The following GPATCH8 variants were observed in gnomAD, a reference collection of about 807,000 sequenced individuals.
GPATCH8 encodes G patch domain-containing protein 8.
GPATCH8 carries 18 observed loss-of-function variants against 118.3 expected under a neutral mutation model. That is an observed-to-expected ratio of 0.15 (90% CI 0.11 to 0.23). GPATCH8 has a LOEUF of 0.23. Ranked by LOEUF, GPATCH8 falls within the 10% of genes least tolerant of loss-of-function variation. The pLI is 1.00. For synonymous variants in GPATCH8, 659 were observed against 684.7 expected, an observed-to-expected ratio of 0.96 and a Z score of 0.59; for missense variants, 1,631 against 1,873.8, an observed-to-expected ratio of 0.87 and a Z score of 2.39.
chr17:44,486,135 A>G (rs1274624141), intron 1 of GPATCH8: 1 of 152,216 alleles, frequency 6.6e-6, no homozygotes, highest in East Asian at 1.9e-4. Context: ...CTATGTAAAT[A>G]AAATGAAAAG....
chr17:44,449,677 C>T (rs888074859), intron 3 of GPATCH8, among the ~76,000 whole-genome samples: 4 of 151,774 alleles, frequency 2.6e-5, no homozygotes, highest in Non-Finnish European at 4.4e-5. Flanking sequence ...CCACAACGCC[C>T]GGCTAATTTT....
chr17:44,484,170 A>C (rs754805773), intron 1 of GPATCH8, among the ~76,000 whole-genome samples: 6 of 151,470 alleles, frequency 4.0e-5, no homozygotes, highest in Admixed American at 4.0e-4. Flanking sequence ...TTTTAGCAGA[A>C]ACAGGGTTTC....
chr17:44,442,108 C>CAT (rs36110298), intron 3 of GPATCH8, among the ~76,000 whole-genome samples: 2,473 of 136,518 alleles, frequency 0.018, 31 homozygotes, highest in East Asian at 0.1. Context: ...TATATATATA[C>CAT]ATATATATAT....
Position 44,401,412 on chromosome 17 carries a change from G to GCCA in GPATCH8, c.662_664dup (p.Val221dup). On this transcript the variant is annotated inframe_insertion, in exon 8 of 8. Coordinates refer to ENST00000591680, the MANE Select transcript of GPATCH8 (RefSeq NM_001002909.4). ...ATCTTCTCCACCTTCTTCATCTACA[G>GCCA]CCACTGTGGTTGGTTTGAACATGGG... The GCCA allele has an allele frequency of 1.2e-6, 2 of 1,613,150 alleles. No individual in the cohort carries two copies. The highest frequency in any genetic ancestry group is 1.7e-6 in the Non-Finnish European group (2 of 1,179,098).
At chr17:44,443,544 A>T (rs1243469865) in intron 3 of GPATCH8, among the ~76,000 whole-genome samples, 9 of 150,476 alleles carry the variant, frequency 6.0e-5, no homozygotes, top group Non-Finnish European at 1.2e-4. Flanking sequence ...TTTAAGGTTT[A>T]AAAAAAAAGG....
At chr17:44,441,989 T>C (rs912611956) in intron 3 of GPATCH8, among the ~76,000 whole-genome samples, 2 of 150,870 alleles carry the variant, frequency 1.3e-5, no homozygotes, top group Non-Finnish European at 3.0e-5. Flanking sequence ...CATCGTACCA[T>C]CGCACTCCAG....
chr17:44,466,562 G>A (rs757021436), intron 2 of GPATCH8, among the ~76,000 whole-genome samples: 3 of 151,856 alleles, frequency 2.0e-5, no homozygotes, highest in Non-Finnish European at 2.9e-5. Flanking sequence ...TAACTGAACT[G>A]CCAGGAAAAA....
intron 3 of GPATCH8, among the ~76,000 whole-genome samples, chr17:44,445,461 A>G (rs2050841650): frequency 6.6e-6 from 1 of 152,104 alleles, no homozygotes; most frequent in African/African-American, 2.4e-5. Context: ...GGTAGACCAA[A>G]AATTACCAGT....
At chr17:44,441,850 GAAACC>G (rs1207320282) in intron 3 of GPATCH8, among the ~76,000 whole-genome samples, 2 of 151,434 alleles carry the variant, frequency 1.3e-5, no homozygotes, top group African/African-American at 2.4e-5. Flanking sequence ...CCAACATGGT[GAAACC>G]CTGTATCTAC....
chr17:44,483,104 C>T (rs1199499578), intron 1 of GPATCH8, among the ~76,000 whole-genome samples: 3 of 116,172 alleles, frequency 2.6e-5, no homozygotes, highest in Admixed American at 1.0e-4. Context: ...TGCAGTGAGC[C>T]GAGACAGCAC....
chr17:44,416,141 A>G (rs1369918400), intron 6 of GPATCH8, among the ~76,000 whole-genome samples: 1 of 152,176 alleles, frequency 6.6e-6, no homozygotes, highest in Non-Finnish European at 1.5e-5. Flanking sequence ...AGCTAGGATT[A>G]CAGGCGTGTG....
intron 6 of GPATCH8, among the ~76,000 whole-genome samples, chr17:44,423,541 T>C (rs1222403950): frequency 1.3e-5 from 2 of 152,136 alleles, no homozygotes; most frequent in African/African-American, 4.8e-5. Context: ...GCTCATAAAT[T>C]TACAAGTTTA....
chr17:44,480,345 G>A (rs1462927160), intron 1 of GPATCH8, among the ~76,000 whole-genome samples: 1 of 152,164 alleles, frequency 6.6e-6, no homozygotes, highest in Non-Finnish European at 1.5e-5. Flanking sequence ...AATCTGGGAG[G>A]CCGAGGCAGG....
At position 44,400,268 on chromosome 17, in the gene GPATCH8, G is replaced by C. The variant is rs1397639022; in HGVS notation, c.1809C>G (p.Leu603=). 1 of 1,614,112 alleles carries C rather than the reference G, an allele frequency of 6.2e-7. No homozygotes were observed. ...TTGGCTCACCAGGATCTAGGCCTTG[G>C]AGATGGTCCTTTGAGGAGCTTCCTA... ...KDIGSSSKDH[L]QGLDPGEPNK... The change falls in exon 8 of 8, where the codon CTC becomes CTG. Residue 603 remains leucine, a synonymous_variant. Transcript: ENST00000591680.
chr17:44,441,076 C>G (rs2050673200), intron 3 of GPATCH8, among the ~76,000 whole-genome samples: 1 of 152,166 alleles, frequency 6.6e-6, no homozygotes, highest in Admixed American at 6.5e-5. Context: ...GTCTCGATCT[C>G]TTGACCTCAT....
At chr17:44,467,592 G>C (rs1235363395) in intron 2 of GPATCH8, among the ~76,000 whole-genome samples, 1 of 152,046 alleles carries the variant, frequency 6.6e-6, no homozygotes, top group Non-Finnish European at 1.5e-5. Context: ...ACATCTCCCA[G>C]AATCTCTCCT....
intron 1 of GPATCH8, among the ~76,000 whole-genome samples, chr17:44,493,507 C>T (rs547853562): frequency 6.6e-6 from 1 of 152,232 alleles, no homozygotes; most frequent in Admixed American, 6.5e-5. Flanking sequence ...GGAGATAATA[C>T]CAACACTTTA....
At chr17:44,462,619 A>G (rs1431256953) in intron 3 of GPATCH8, among the ~76,000 whole-genome samples, 1 of 152,218 alleles carries the variant, frequency 6.6e-6, no homozygotes, top group Non-Finnish European at 1.5e-5. Flanking sequence ...ATATTTATTG[A>G]GCATCTCCCA....
At chr17:44,408,093 T>C (rs890671550) in intron 6 of GPATCH8, among the ~76,000 whole-genome samples, 5 of 152,198 alleles carry the variant, frequency 3.3e-5, no homozygotes, top group African/African-American at 9.7e-5. Context: ...TGATTACTTT[T>C]GGCCACAAAC....
Sources: allele counts gnomAD v4.1 joint callset (sites outside exome capture counted in the v4.1 genomes callset), GRCh38; gene constraint gnomAD v4.1.1; transcripts MANE v1.5; gene names NCBI Gene and HGNC (gene_info 2026-07-23, HGNC 2026-07-21).